SEL1L3: variants seen among roughly 807,000 people sequenced by gnomAD.
SEL1L3 encodes protein sel-1 homolog 3.
In SEL1L3, 76 loss-of-function variants were observed where a neutral mutation model predicts 142.8. The observed-to-expected ratio is 0.53, with a 90% CI of 0.44 to 0.64. The LOEUF (loss-of-function observed/expected upper bound fraction) is 0.64. Ranked by LOEUF, SEL1L3 falls within the 30% of genes least tolerant of loss-of-function variation. SEL1L3 has a pLI of 0.00. For missense variants in SEL1L3, 1,262 were observed against 1,381.7 expected (o/e 0.91, Z 1.37); for synonymous variants, 504 against 519.6 (o/e 0.97, Z 0.41).
intron 17 of SEL1L3, among the ~76,000 whole-genome samples, chr4:25,768,159 G>C (rs1231404598): frequency 1.3e-5 from 2 of 152,150 alleles, no homozygotes; most frequent in African/African-American, 4.8e-5. Flanking sequence ...GCTTAGAGGA[G>C]ATAAATGGTG....
the SEL1L3 span, among the ~76,000 whole-genome samples, chr4:25,738,091 G>A: frequency 5.9e-5 from 9 of 152,100 alleles, no homozygotes; most frequent in Non-Finnish European, 1.2e-4. Context: ...GTTTCACCAC[G>A]TTGGCCAGGC....
intron 17 of SEL1L3, among the ~76,000 whole-genome samples, chr4:25,772,160 A>C (rs2109148596): frequency 6.6e-6 from 1 of 152,302 alleles, no homozygotes; most frequent in South Asian, 2.1e-4. Context: ...TTTCCTATTT[A>C]ACCCCTGGGG....
At chr4:25,727,870 G>A in the SEL1L3 span, among the ~76,000 whole-genome samples, 1 of 152,172 alleles carries the variant, frequency 6.6e-6, no homozygotes, top group Admixed American at 6.5e-5. Context: ...TCGGGAAACA[G>A]GCTGTGCCCA....
chr4:25,808,931 G>C (rs1205565545), intron 9 of SEL1L3, among the ~76,000 whole-genome samples: 1 of 107,284 alleles, frequency 9.3e-6, no homozygotes, highest in Non-Finnish European at 2.0e-5. Context: ...AAATTAGCAG[G>C]GTGTGGTGGC....
At chr4:25,831,037 C>T (rs1430310056) in intron 5 of SEL1L3, among the ~76,000 whole-genome samples, 1 of 152,182 alleles carries the variant, frequency 6.6e-6, no homozygotes, top group African/African-American at 2.4e-5. Context: ...AGAAGAAGGA[C>T]AAATGGGCTA....
chr4:25,757,436 A>G, intron 23 of SEL1L3, 98 bp downstream of exon 23: 1 of 966,320 alleles, frequency 1.0e-6, no homozygotes, highest in Non-Finnish European at 1.5e-6. Context: ...CAGGAGGGAA[A>G]ACACAATTTT....
intron 2 of SEL1L3, among the ~76,000 whole-genome samples, chr4:25,844,327 T>C (rs58004436): frequency 0.015 from 2,320 of 152,316 alleles, 50 homozygotes; most frequent in African/African-American, 0.051. Flanking sequence ...GAAGAATGTG[T>C]GCCCCTTTTT....
At chr4:25,714,827 C>T in the SEL1L3 span, among the ~76,000 whole-genome samples, 620 of 152,150 alleles carry the variant, frequency 4.1e-3, 1 homozygote, top group Non-Finnish European at 5.1e-3. Flanking sequence ...CTGCTTCAGC[C>T]TCCCAAGGTG....
At chr4:25,786,648 C>G (rs1711860704) in intron 13 of SEL1L3, among the ~76,000 whole-genome samples, 1 of 152,170 alleles carries the variant, frequency 6.6e-6, no homozygotes, top group South Asian at 2.1e-4. Flanking sequence ...TGTATGAGCT[C>G]CCTGAGGTCA....
rs781603708 is a variant in SEL1L3 at position 25,847,268 on chromosome 4, G to C, written c.733+26C>G. ...AGGCTATCTGAAAAAATGAGAATTA[G>C]GTTCCTAGCAAGATAGATGACCTAC... On this transcript the variant is annotated intron_variant, in intron 2 of 23. Transcript: ENST00000399878. The C allele has an allele frequency of 6.4e-6, 10 of 1,562,982 alleles. No homozygotes were observed. In the South Asian group the frequency reaches 1.2e-4, roughly 19 times the overall value.
Position 25,853,637 on chromosome 4 carries a change from A to AATATTCATT in SEL1L3, c.163-5782_163-5774dup, listed in dbSNP as rs1182681659. Among the ~76,000 whole-genome samples the AATATTCATT allele has an allele frequency of 6.7e-5, 10 of 150,206 alleles. No homozygotes were observed. The East Asian group carries it at 1.9e-3, about 29-fold the overall frequency. On this transcript the variant is annotated intron_variant, in intron 1 of 23. Transcript: ENST00000399878. ...TACACTGAGTTAAATAAAATACATT[A>AATATTCATT]ATATTCATTATGCCTGCTCTTCTTA...
At chr4:25,794,415 G>C (rs1446128166) in intron 11 of SEL1L3, among the ~76,000 whole-genome samples, 1 of 152,166 alleles carries the variant, frequency 6.6e-6, no homozygotes, top group African/African-American at 2.4e-5. Flanking sequence ...GGCAACAAAT[G>C]TAGGGGAAAA....
chr4:25,722,533 C>T, the SEL1L3 span, among the ~76,000 whole-genome samples: 8 of 151,876 alleles, frequency 5.3e-5, no homozygotes, highest in Non-Finnish European at 1.0e-4. Flanking sequence ...TAACCAGGTC[C>T]ACACACATCT....
the SEL1L3 span, among the ~76,000 whole-genome samples, chr4:25,721,214 CT>C: frequency 5.8e-4 from 86 of 148,126 alleles, no homozygotes; most frequent in African/African-American, 7.9e-4. Flanking sequence ...AAGCTTGGAA[CT>C]TTTTTTTTTT....
intron 19 of SEL1L3, 47 bp from the exon 20 acceptor site, chr4:25,765,482 T>C (rs772047200): frequency 1.6e-6 from 2 of 1,224,354 alleles, no homozygotes; most frequent in South Asian, 2.4e-5. Flanking sequence ...GTTTTTTTTA[T>C]ACCAACATTT....
At chr4:25,737,333 G>A in the SEL1L3 span, among the ~76,000 whole-genome samples, 4 of 152,274 alleles carry the variant, frequency 2.6e-5, no homozygotes, top group African/African-American at 9.6e-5. Context: ...TCTAGAGAAT[G>A]AGAAGTCCAA....
intron 19 of SEL1L3, among the ~76,000 whole-genome samples, chr4:25,765,683 G>A (rs1718675946): frequency 6.6e-6 from 1 of 151,862 alleles, no homozygotes; most frequent in Admixed American, 6.6e-5. Flanking sequence ...CCGCTGCCTA[G>A]GCTGGAATAC....
At position 25,758,969 on chromosome 4, in the gene SEL1L3, T is replaced by C. The variant is rs1718189815; in HGVS notation, c.3055A>G (p.Ile1019Val). Reference sequence around the variant, plus strand: ...TCGTACAGTTCCTGGAGAATGGAGATGTTATTAGAATGGAGAGTTGAGTCA... The same window carrying C: ...TCGTACAGTTCCTGGAGAATGGAGACGTTATTAGAATGGAGAGTTGAGTCA... Reference protein sequence around the residue: ...EIDSTLHSNNISILQELYERC... With the variant: ...EIDSTLHSNNVSILQELYERC... Residue 1019 changes from isoleucine (I) to valine (V), a missense_variant, in exon 21 of 24, where the codon ATC becomes GTC. Physicochemically the swap from Ile to Val is conservative, Grantham distance 29. Around this residue, in one of 3 missense-constraint regions of SEL1L3, gnomAD observed 435 missense variants for 559.2 expected, o/e 0.78. Coordinates refer to ENST00000399878, the MANE Select transcript of SEL1L3 (RefSeq NM_015187.5). The C allele has an allele frequency of 2.2e-5, 36 of 1,613,694 alleles. No individual in the cohort carries two copies. In the East Asian group the frequency reaches 7.8e-4, roughly 35 times the overall value.
the SEL1L3 span, among the ~76,000 whole-genome samples, chr4:25,738,750 C>T: frequency 6.6e-6 from 1 of 152,154 alleles, no homozygotes; most frequent in African/African-American, 2.4e-5. Context: ...CAAGACTCTG[C>T]TCTTGTTTTA....
Sources: allele counts gnomAD v4.1 joint callset (sites outside exome capture counted in the v4.1 genomes callset), GRCh38; gene constraint gnomAD v4.1.1; regional missense constraint gnomAD v4.1.1; transcripts MANE v1.5; gene names NCBI Gene and HGNC (gene_info 2026-07-23, HGNC 2026-07-21).